Variants in ATXN7 observed in about 807,000 individuals in gnomAD.
The protein encoded by ATXN7 is ataxin 7.
ATXN7 carries 12 observed loss-of-function variants against 70.5 expected under a neutral mutation model. That is an observed-to-expected ratio of 0.17 (90% CI 0.11 to 0.28). The LOEUF is 0.28. Among genes scored for constraint, ATXN7 ranks in the 10% least tolerant of loss-of-function variants. The probability of loss-of-function intolerance (pLI) is 1.00; values close to 1 mark genes in which losing one functional copy is unlikely to be tolerated. For synonymous variants in ATXN7, 498 were observed against 448.7 expected, an observed-to-expected ratio of 1.11 and a Z score of -1.39; for missense variants, 1,256 against 1,131.7, an observed-to-expected ratio of 1.11 and a Z score of -1.58.
At chr3:63,918,039 A>G (rs1003016922) in intron 4 of ATXN7, among the ~76,000 whole-genome samples, 2 of 152,180 alleles carry the variant, frequency 1.3e-5, no homozygotes, top group Admixed American at 6.5e-5. Flanking sequence ...TATTTAGGCA[A>G]AGAAGTAGAA....
chr3:63,904,504 G>A (rs1703766360), intron 2 of ATXN7: 1 of 152,212 alleles, frequency 6.6e-6, no homozygotes, highest in African/African-American at 2.4e-5. Context: ...ATCTTGGCCA[G>A]GCTGGTCTTG....
Position 63,997,706 on chromosome 3 carries a change from A to AT in ATXN7, c.2661+1231dup, listed in dbSNP as rs530202610. The AT allele has an allele frequency of 2.1e-3, 3,221 of 1,550,542 alleles. 2 individuals are homozygous for AT. The highest frequency in any genetic ancestry group is 2.4e-3 in the Non-Finnish European group (2,775 of 1,146,570). ...TTAAAATGTGAGGCTCTTTTTCATG[A>AT]TTTTTTTTCCCCTTCCTCGTCTTCA... On this transcript the variant is annotated intron_variant, in intron 12 of 12. Coordinates refer to ENST00000674280, the MANE Select transcript of ATXN7 (RefSeq NM_001377405.1).
intron 4 of ATXN7, among the ~76,000 whole-genome samples, chr3:63,947,401 A>C: frequency 6.6e-6 from 1 of 152,144 alleles, no homozygotes; most frequent in African/African-American, 2.4e-5. Flanking sequence ...TCTGGGCAAC[A>C]TAGTGAGACC....
upstream of ATXN7, chr3:63,863,642 G>C: frequency 8.2e-7 from 1 of 1,212,774 alleles, no homozygotes; most frequent in Non-Finnish European, 1.0e-6. Flanking sequence ...AGGTCGGGAA[G>C]GCCGAAGCGC....
chr3:63,911,818 C>T (rs1704023746), intron 2 of ATXN7: 3 of 152,326 alleles, frequency 2.0e-5, no homozygotes, highest in African/African-American at 4.8e-5. Flanking sequence ...GCCCAAGGTT[C>T]CCTGCACGCC....
At chr3:63,908,174 T>G (rs1012310177) in intron 2 of ATXN7, among the ~76,000 whole-genome samples, 1 of 152,214 alleles carries the variant, frequency 6.6e-6, no homozygotes, top group Non-Finnish European at 1.5e-5. Flanking sequence ...TTATTCCTAA[T>G]TTTGCACTTG....
At chr3:63,891,519 C>T (rs1158143321) in intron 1 of ATXN7, among the ~76,000 whole-genome samples, 5 of 151,294 alleles carry the variant, frequency 3.3e-5, no homozygotes, top group African/African-American at 7.3e-5. Flanking sequence ...GATGGAGTCT[C>T]GCTGTGTTGC....
chr3:63,880,353 A>T (rs528465742), intron 1 of ATXN7, among the ~76,000 whole-genome samples: 6 of 152,322 alleles, frequency 3.9e-5, no homozygotes, highest in South Asian at 4.1e-4. Flanking sequence ...AAAAGTCTAC[A>T]GTTGCCGTGT....
At chr3:63,962,514 C>T (rs1401405815) in intron 5 of ATXN7, among the ~76,000 whole-genome samples, 2 of 152,022 alleles carry the variant, frequency 1.3e-5, no homozygotes, top group African/African-American at 2.4e-5. Flanking sequence ...AAGTGATTCT[C>T]GTGCCTCAGC....
intron 5 of ATXN7, among the ~76,000 whole-genome samples, chr3:63,967,321 C>T (rs1286840188): frequency 6.6e-6 from 1 of 152,032 alleles, no homozygotes; most frequent in African/African-American, 2.4e-5. Context: ...CAAATATGCA[C>T]AGAAAGTGGG....
In ATXN7 at chr3:63,996,220, T is replaced by G. The variant is rs780047032; in HGVS notation, c.2398T>G (p.Ser800Ala). ...GAGTGTGATGGTGAACAGCAGTGATTCTACTCTTTCTCTTGGGCCATTCAT... is the reference window on the plus strand; with the variant it reads ...GAGTGTGATGGTGAACAGCAGTGATGCTACTCTTTCTCTTGGGCCATTCAT... ...RMSVMVNSSDSTLSLGPFIHQ... is the reference protein window; with the variant it reads ...RMSVMVNSSDATLSLGPFIHQ... The change falls in exon 12 of 13, where the codon TCT (serine) becomes GCT (alanine). Residue 800 changes from serine to alanine, a missense_variant. By Grantham distance (99) the Ser-to-Ala change is moderately conservative. Coordinates refer to ENST00000674280, the MANE Select transcript of ATXN7 (RefSeq NM_001377405.1). 6.2e-7 allele frequency: 1 copy of G among 1,614,160 alleles called. No individual in the cohort carries two copies. Among genetic ancestry groups the G allele is most frequent in the Non-Finnish European group, 8.5e-7 (1 of 1,180,038 alleles).
chr3:63,997,555 T>C, intron 12 of ATXN7: 1 of 1,376,110 alleles, frequency 7.3e-7, no homozygotes, highest in Non-Finnish European at 1.0e-6. Context: ...CACCTGTAGC[T>C]GTTTCTTCCA....
intron 2 of ATXN7, chr3:63,900,796 C>T (rs1263653634): frequency 6.6e-6 from 1 of 152,088 alleles, no homozygotes; most frequent in Non-Finnish European, 1.5e-5. Context: ...AATATTATAC[C>T]AATGAAAAGA....
At chr3:63,918,945 G>T (rs1704396926) in intron 4 of ATXN7, among the ~76,000 whole-genome samples, 1 of 152,166 alleles carries the variant, frequency 6.6e-6, no homozygotes, top group African/African-American at 2.4e-5. Context: ...GGCCGTGACA[G>T]TGGGCATTGT....
intron 2 of ATXN7, among the ~76,000 whole-genome samples, chr3:63,899,308 C>T (rs942262324): frequency 1.1e-4 from 16 of 152,148 alleles, no homozygotes; most frequent in Non-Finnish European, 1.8e-4. Context: ...GTGATCCACC[C>T]GCCTTGACCT....
chr3:63,985,933 A>G (rs2075572215), intron 8 of ATXN7, among the ~76,000 whole-genome samples: 1 of 152,266 alleles, frequency 6.6e-6, no homozygotes, highest in Non-Finnish European at 1.5e-5. Context: ...GATGGAGAGT[A>G]TTAATCACCA....
intron 2 of ATXN7, among the ~76,000 whole-genome samples, chr3:63,903,145 G>A (rs547889376): frequency 6.5e-4 from 98 of 151,758 alleles, no homozygotes; most frequent in Middle Eastern, 3.4e-3. Flanking sequence ...CTGTAATTCC[G>A]GCACTTTGGG....
intron 5 of ATXN7, among the ~76,000 whole-genome samples, chr3:63,956,400 G>A (rs1449389542): frequency 8.2e-6 from 1 of 121,924 alleles, no homozygotes; most frequent in Admixed American, 1.0e-4. Context: ...GAGCCTGGGT[G>A]ACGGAGCGAG....
At chr3:63,999,387 G>A in intron 12 of ATXN7, 63 bp from the exon 13 acceptor site, 1 of 1,301,906 alleles carries the variant, frequency 7.7e-7, no homozygotes, top group African/African-American at 1.5e-5. Flanking sequence ...AGAATCAATA[G>A]AGTGCAGTGT....
Sources: allele counts gnomAD v4.1 joint callset (sites outside exome capture counted in the v4.1 genomes callset), GRCh38; gene constraint gnomAD v4.1.1; transcripts MANE v1.5; gene names NCBI Gene and HGNC (gene_info 2026-07-23, HGNC 2026-07-21).